Variants in FGF12 observed in about 807,000 individuals in gnomAD.
The protein encoded by FGF12 is fibroblast growth factor 12B.
In FGF12, 14 loss-of-function variants were observed where a neutral mutation model predicts 23.6. That is an observed-to-expected ratio of 0.59 (90% CI 0.39 to 0.93). FGF12 has a LOEUF of 0.93. FGF12 is among the 40% of genes least tolerant of loss of function. FGF12 has a pLI of 0.00. For missense variants in FGF12, 175 were observed against 217.8 expected (o/e 0.80, Z 1.24); for synonymous variants, 62 against 77.3 (o/e 0.80, Z 1.04).
intron 4 of FGF12, among the ~76,000 whole-genome samples, chr3:192,227,726 C>T (rs534284935): frequency 6.6e-5 from 10 of 152,118 alleles, no homozygotes; most frequent in African/African-American, 1.9e-4. Flanking sequence ...TCACTCCCAA[C>T]GAACCATCAT....
intron 2 of FGF12, among the ~76,000 whole-genome samples, chr3:192,661,482 A>C (rs1716670099): frequency 2.6e-5 from 4 of 152,142 alleles, no homozygotes; most frequent in Admixed American, 2.6e-4. Flanking sequence ...CTGAGATCTC[A>C]CCACTGCACT....
At chr3:192,606,894 G>A (rs569045986) in intron 2 of FGF12, among the ~76,000 whole-genome samples, 14 of 152,160 alleles carry the variant, frequency 9.2e-5, no homozygotes, top group Non-Finnish European at 1.8e-4. Flanking sequence ...TCCAAACAGC[G>A]TGAAATATCT....
chr3:192,292,453 T>C (rs1161951091), intron 4 of FGF12, among the ~76,000 whole-genome samples: 4 of 152,180 alleles, frequency 2.6e-5, no homozygotes, highest in East Asian at 1.9e-4. Context: ...CTTTAATCAG[T>C]GCTAATTTCT....
At chr3:192,368,639 C>T (rs990493587) in intron 2 of FGF12, among the ~76,000 whole-genome samples, 5 of 152,134 alleles carry the variant, frequency 3.3e-5, no homozygotes, top group East Asian at 1.9e-4. Flanking sequence ...AAACTATAGC[C>T]CTGTGGCTGC....
intron 2 of FGF12, among the ~76,000 whole-genome samples, chr3:192,490,107 C>T (rs1217066149): frequency 6.6e-6 from 1 of 152,070 alleles, no homozygotes; most frequent in Non-Finnish European, 1.5e-5. Context: ...CAGTGGAATA[C>T]TTTTCTAAGT....
At chr3:192,552,201 T>C (rs993692074) in intron 2 of FGF12, among the ~76,000 whole-genome samples, 2 of 151,472 alleles carry the variant, frequency 1.3e-5, no homozygotes, top group Non-Finnish European at 2.9e-5. Context: ...TTTGAAAACA[T>C]GTGAATATAA....
At chr3:192,679,759 T>C (rs1428513821) in intron 2 of FGF12, among the ~76,000 whole-genome samples, 3 of 152,168 alleles carry the variant, frequency 2.0e-5, no homozygotes, top group Non-Finnish European at 4.4e-5. Context: ...TTCTAAAGCT[T>C]CTAAATCACG....
At chr3:192,351,679 G>A (rs957199779) in intron 3 of FGF12, among the ~76,000 whole-genome samples, 4 of 152,174 alleles carry the variant, frequency 2.6e-5, no homozygotes, top group Non-Finnish European at 4.4e-5. Context: ...TGGCTAAGCA[G>A]AAGGGCAAAT....
chr3:192,684,684 GATC>G (rs1717668407), intron 2 of FGF12, among the ~76,000 whole-genome samples: 1 of 152,110 alleles, frequency 6.6e-6, no homozygotes, highest in Non-Finnish European at 1.5e-5. Context: ...GTATTTTGAT[GATC>G]ATCATCAAAT....
intron 2 of FGF12, among the ~76,000 whole-genome samples, chr3:192,555,630 CAAA>C (rs11289130): frequency 1.5e-4 from 13 of 84,016 alleles, no homozygotes; most frequent in South Asian, 4.9e-4. Context: ...TAAAAAGTAC[CAAA>C]AAAAAAAAAA....
intron 2 of FGF12, among the ~76,000 whole-genome samples, chr3:192,577,536 C>G (rs1350276389): frequency 6.6e-6 from 1 of 151,976 alleles, no homozygotes; most frequent in Non-Finnish European, 1.5e-5. Context: ...AGAGATGAAA[C>G]CAGAACAGAC....
intron 2 of FGF12, among the ~76,000 whole-genome samples, chr3:192,550,556 G>A (rs964291668): frequency 1.3e-5 from 2 of 151,822 alleles, no homozygotes; most frequent in African/African-American, 4.8e-5. Flanking sequence ...AACAAAGAAT[G>A]TAGTATGTCA....
intron 4 of FGF12, among the ~76,000 whole-genome samples, chr3:192,332,265 G>A (rs1717163686): frequency 6.6e-6 from 1 of 152,014 alleles, no homozygotes; most frequent in East Asian, 1.9e-4. Flanking sequence ...ATTTAGCAAA[G>A]TATGTCGTGA....
chr3:192,576,908 G>A (rs1053972688), intron 2 of FGF12, among the ~76,000 whole-genome samples: 1 of 152,148 alleles, frequency 6.6e-6, no homozygotes, highest in Non-Finnish European at 1.5e-5. Context: ...TCTTTGCAGG[G>A]ACAGGGGATG....
chr3:192,701,833 C>T lies in FGF12; in HGVS notation c.13+25348G>A, dbSNP rs146769438. Among the ~76,000 whole-genome samples the T allele has an allele frequency of 2.3e-4, 35 of 152,102 alleles. No individual in the cohort carries two copies. The East Asian group carries it at 6.4e-3, about 28-fold the overall frequency. Reference sequence around the variant, plus strand: ...AGTGAAATGATTACTACAGTCAAGCCAATTACCATTTCCATCATCTCAGAT... The same window carrying T: ...AGTGAAATGATTACTACAGTCAAGCTAATTACCATTTCCATCATCTCAGAT... On this transcript the variant is annotated intron_variant, in intron 2 of 5. Transcript: ENST00000445105.
chr3:192,551,908 A>G (rs1246052935), intron 2 of FGF12, among the ~76,000 whole-genome samples: 1 of 152,142 alleles, frequency 6.6e-6, no homozygotes, highest in East Asian at 1.9e-4. Flanking sequence ...CATGATAGAG[A>G]TGTTGGAATA....
intron 2 of FGF12, among the ~76,000 whole-genome samples, chr3:192,631,978 T>A (rs1032738863): frequency 1.3e-5 from 2 of 152,148 alleles, no homozygotes; most frequent in African/African-American, 2.4e-5. Context: ...ACTGAACTGC[T>A]CCATTTCAGC....
At chr3:192,588,962 G>A (rs1227000966) in intron 2 of FGF12, among the ~76,000 whole-genome samples, 3 of 151,960 alleles carry the variant, frequency 2.0e-5, no homozygotes, top group Non-Finnish European at 4.4e-5. Flanking sequence ...CTCAAGTGCT[G>A]AGACTAATAG....
At chr3:192,707,055 C>T (rs189491161) in intron 2 of FGF12, among the ~76,000 whole-genome samples, 1 of 152,268 alleles carries the variant, frequency 6.6e-6, no homozygotes, top group East Asian at 1.9e-4. Flanking sequence ...ACAAGAAAGG[C>T]CTTCATTACC....
Sources: allele counts gnomAD v4.1 joint callset (sites outside exome capture counted in the v4.1 genomes callset), GRCh38; gene constraint gnomAD v4.1.1; transcripts MANE v1.5; gene names NCBI Gene and HGNC (gene_info 2026-07-23, HGNC 2026-07-21).